ABI2: variants seen among roughly 807,000 people sequenced by gnomAD.
ABI2 encodes abelson interactor 2.
ABI2 carries 25 observed loss-of-function variants against 59.2 expected under a neutral mutation model. The ratio of observed to expected loss-of-function variants is 0.42; its 90% confidence interval spans 0.31 to 0.59. ABI2 has a LOEUF of 0.59. ABI2 is among the 20% of genes least tolerant of loss of function. The pLI, the probability that ABI2 is intolerant of heterozygous loss-of-function variation, is 0.14. For missense variants in ABI2, 545 were observed against 681.8 expected, an observed-to-expected ratio of 0.80 and a Z score of 2.23; for synonymous variants, 213 against 235.5, an observed-to-expected ratio of 0.90 and a Z score of 0.87.
intron 1 of ABI2, among the ~76,000 whole-genome samples, chr2:203,345,491 A>G (rs559996098): frequency 6.6e-4 from 100 of 152,236 alleles, no homozygotes; most frequent in Middle Eastern, 3.4e-3. Flanking sequence ...GCTCACTGCA[A>G]TCTCCACCTC....
intron 5 of ABI2, among the ~76,000 whole-genome samples, chr2:203,391,867 A>G (rs575329515): frequency 1.3e-5 from 2 of 151,574 alleles, no homozygotes; most frequent in South Asian, 4.2e-4. Flanking sequence ...TTTTGGTCCT[A>G]GAGTTGGGCT....
chr2:203,355,859 C>G (rs2091719726), intron 1 of ABI2, among the ~76,000 whole-genome samples: 2 of 148,856 alleles, frequency 1.3e-5, no homozygotes, highest in South Asian at 4.3e-4. Flanking sequence ...AAACACCCCA[C>G]CAAGAAACCC....
At chr2:203,393,813 GT>G (rs2096867172) in intron 5 of ABI2, among the ~76,000 whole-genome samples, 1 of 151,670 alleles carries the variant, frequency 6.6e-6, no homozygotes, top group South Asian at 2.1e-4. Flanking sequence ...TCAATTGACT[GT>G]TTATCATTGT....
At chr2:203,328,705 G>A in intron 1 of ABI2, 74 bp downstream of exon 1, 3 of 1,024,256 alleles carry the variant, frequency 2.9e-6, no homozygotes, top group South Asian at 2.0e-5. Context: ...GCGTGGGGCC[G>A]AGGCCGCCTC....
chr2:203,373,484 G>A (rs2095453306), intron 2 of ABI2, among the ~76,000 whole-genome samples: 1 of 151,160 alleles, frequency 6.6e-6, no homozygotes. Context: ...CATGGGCCGT[G>A]GGGAGAGGGA....
At chr2:203,362,013 C>CTGT (rs2093588926) in intron 1 of ABI2, among the ~76,000 whole-genome samples, 1 of 152,180 alleles carries the variant, frequency 6.6e-6, no homozygotes. Context: ...ATGAGTTCTG[C>CTGT]TGTTGACAGA....
chr2:203,350,353 GTCTCTGT>G (rs1272997381), intron 1 of ABI2, among the ~76,000 whole-genome samples: 1 of 151,796 alleles, frequency 6.6e-6, no homozygotes, highest in African/African-American at 2.4e-5. Context: ...CTGGCCAACG[GTCTCTGT>G]TTTTAAGAGA....
chr2:203,426,802 A>AC (rs1194149461), intron 11 of ABI2, among the ~76,000 whole-genome samples: 1 of 151,496 alleles, frequency 6.6e-6, no homozygotes, highest in Non-Finnish European at 1.5e-5. Context: ...AAAAAAAAAA[A>AC]AACCACAATA....
chr2:203,331,367 T>TTTTTTTTG lies in ABI2; in HGVS notation c.117+2737_117+2738insTTTTTTGT, dbSNP rs1198154445. On this transcript the variant is annotated intron_variant, in intron 1 of 11. Coordinates refer to ENST00000261018, the MANE Select transcript of ABI2 (RefSeq NM_001375670.1). The stretch of plus-strand genomic sequence containing the variant: ...TTTAGCCTTTTTTTTTTTTTTTTTT[T>TTTTTTTTG]TCTGAGACAGAGTCTCACTCTGTCG... Among the ~76,000 whole-genome samples the TTTTTTTTG allele has an allele frequency of 2.0e-4, 29 of 146,364 alleles. 2 individuals carry two copies. Among genetic ancestry groups the TTTTTTTTG allele is most frequent in the Admixed American group, 4.9e-4 (7 of 14,424 alleles).
intron 9 of ABI2, among the ~76,000 whole-genome samples, chr2:203,408,089 G>A (rs2097506479): frequency 6.6e-6 from 1 of 151,830 alleles, no homozygotes; most frequent in Admixed American, 6.6e-5. Flanking sequence ...GACTAGCTTT[G>A]AAAAAAGTCT....
intron 1 of ABI2, chr2:203,355,251 A>T (rs2091294008): frequency 2.8e-6 from 1 of 359,528 alleles, no homozygotes; most frequent in Non-Finnish European, 6.0e-6. Context: ...TCATTCCTGT[A>T]ATCCTAGCAC....
chr2:203,375,892 C>T (rs540617489), intron 2 of ABI2: 58 of 453,512 alleles, frequency 1.3e-4, no homozygotes, highest in African/African-American at 4.6e-4. Flanking sequence ...CAAATAGAAC[C>T]GTAGCCATTT....
At chr2:203,364,256 G>C (rs986289890) in intron 1 of ABI2, among the ~76,000 whole-genome samples, 14 of 151,732 alleles carry the variant, frequency 9.2e-5, no homozygotes, top group Admixed American at 6.6e-4. Context: ...ACCACACCCA[G>C]CTAATTTTTG....
At chr2:203,343,380 T>G (rs1276575200) in intron 1 of ABI2, among the ~76,000 whole-genome samples, 1 of 152,182 alleles carries the variant, frequency 6.6e-6, no homozygotes. Context: ...TAAAAAAATT[T>G]AATGTTAGCA....
chr2:203,365,952 A>G (rs557532000), intron 1 of ABI2, among the ~76,000 whole-genome samples: 3 of 151,930 alleles, frequency 2.0e-5, no homozygotes, highest in Non-Finnish European at 1.5e-5. Context: ...TAATGCTTAC[A>G]GGACTTTATT....
At chr2:203,363,928 C>T (rs891574135) in intron 1 of ABI2, among the ~76,000 whole-genome samples, 1 of 151,556 alleles carries the variant, frequency 6.6e-6, no homozygotes, top group African/African-American at 2.4e-5. Context: ...CCATGCCTGG[C>T]TAATTTTGTA....
chr2:203,390,667 G>T (rs1421609984), intron 4 of ABI2, among the ~76,000 whole-genome samples: 2 of 151,964 alleles, frequency 1.3e-5, no homozygotes, highest in African/African-American at 4.8e-5. Context: ...TAAAAATAAG[G>T]AATTGCTTAA....
At chr2:203,396,012 C>T (rs2153406031) in intron 7 of ABI2, among the ~76,000 whole-genome samples, 1 of 152,288 alleles carries the variant, frequency 6.6e-6, no homozygotes, top group East Asian at 1.9e-4. Context: ...TTTGAGGTTT[C>T]AGATCACACT....
At chr2:203,367,323 C>CA in intron 2 of ABI2, 1 of 167,788 alleles carries the variant, frequency 6.0e-6, no homozygotes, top group East Asian at 1.3e-4. Context: ...ATTCCCCCGC[C>CA]TTTTTTTTTT....
Sources: allele counts gnomAD v4.1 joint callset (sites outside exome capture counted in the v4.1 genomes callset), GRCh38; gene constraint gnomAD v4.1.1; transcripts MANE v1.5; gene names NCBI Gene and HGNC (gene_info 2026-07-23, HGNC 2026-07-21).